CALN1: variants seen among roughly 807,000 people sequenced by gnomAD.
The protein encoded by CALN1 is calneuron 1.
Under a neutral mutation model 30.6 loss-of-function variants are expected in CALN1, and 17 were observed. The ratio of observed to expected loss-of-function variants is 0.56; its 90% CI spans 0.38 to 0.83. CALN1 has a LOEUF of 0.83. Ranked by LOEUF, CALN1 falls within the 40% of genes least tolerant of loss-of-function variation. The pLI is 0.00. For missense variants in CALN1, 291 were observed against 354.9 expected (o/e 0.82, Z 1.45); for synonymous variants, 156 against 131.4 (o/e 1.19, Z -1.28).
At chr7:72,280,264 CAA>C (rs1472763981) in intron 2 of CALN1, among the ~76,000 whole-genome samples, 2 of 152,162 alleles carry the variant, frequency 1.3e-5, no homozygotes, top group Non-Finnish European at 2.9e-5. Flanking sequence ...CTCGGGGCCC[CAA>C]AAAGTAAAAC....
At chr7:71,987,421 A>AGC (rs1798732775) in intron 5 of CALN1, among the ~76,000 whole-genome samples, 1 of 152,216 alleles carries the variant, frequency 6.6e-6, no homozygotes, top group East Asian at 1.9e-4. Flanking sequence ...TTCCCCAGCA[A>AGC]GCCCTGACTA....
At chr7:71,848,435 T>C (rs1790446212) in intron 5 of CALN1, among the ~76,000 whole-genome samples, 2 of 152,158 alleles carry the variant, frequency 1.3e-5, no homozygotes, top group African/African-American at 4.8e-5. Flanking sequence ...CTGGTATTTG[T>C]AAACTAGGGG....
At chr7:72,463,017 C>A in the CALN1 span, among the ~76,000 whole-genome samples, 6 of 152,244 alleles carry the variant, frequency 3.9e-5, no homozygotes, top group African/African-American at 1.4e-4. Context: ...AGGTGAGGTG[C>A]ATTTAATTCT....
At chr7:72,235,502 C>T (rs1034442907) in intron 3 of CALN1, among the ~76,000 whole-genome samples, 44 of 152,172 alleles carry the variant, frequency 2.9e-4, no homozygotes, top group African/African-American at 9.6e-4. Context: ...CACAGACAGG[C>T]TTGCAAATGA....
chr7:72,400,382 T>C (rs533990314), intron 2 of CALN1, among the ~76,000 whole-genome samples: 3 of 152,324 alleles, frequency 2.0e-5, no homozygotes, highest in South Asian at 2.1e-4. Flanking sequence ...GGAATCATCT[T>C]CATATGGACA....
chr7:72,276,391 T>C (rs1005268784), intron 3 of CALN1, among the ~76,000 whole-genome samples: 1 of 152,182 alleles, frequency 6.6e-6, no homozygotes, highest in African/African-American at 2.4e-5. Flanking sequence ...CCCCCCAAAA[T>C]GCCTATGTGG....
intron 3 of CALN1, among the ~76,000 whole-genome samples, chr7:72,218,978 G>A (rs1327090966): frequency 1.3e-5 from 2 of 152,190 alleles, no homozygotes; most frequent in African/African-American, 4.8e-5. Context: ...ACAGAGTGCA[G>A]GGAACTGCAG....
At position 72,394,086 on chromosome 7, in the gene CALN1, A is replaced by T. The variant is rs145027633; in HGVS notation, c.119+9165T>A. On this transcript the variant is annotated intron_variant, in intron 2 of 6. Coordinates refer to ENST00000395275, the MANE Select transcript of CALN1 (RefSeq NM_031468.4). ...AAGTGATCAGAATTTCTTAGCTAAG[A>T]TCATTGGTAATATGTATGGTGGAGT... Among the ~76,000 whole-genome samples, 8 of 152,322 alleles carry T rather than the reference A, an allele frequency of 5.3e-5. No homozygotes were observed. The East Asian group carries it at 1.5e-3, about 29-fold the overall frequency.
intron 2 of CALN1, among the ~76,000 whole-genome samples, chr7:72,395,355 G>GCACACA (rs72331178): frequency 0.047 from 6,954 of 147,550 alleles, 174 homozygotes; most frequent in South Asian, 0.097. Flanking sequence ...CTGCGCACGC[G>GCACACA]CGCGCACACA....
At chr7:72,399,130 G>A (rs932538828) in intron 2 of CALN1, among the ~76,000 whole-genome samples, 18 of 152,150 alleles carry the variant, frequency 1.2e-4, no homozygotes, top group Admixed American at 1.2e-3. Flanking sequence ...CCTTAGCAAA[G>A]ACAGGAGCGG....
chr7:72,248,208 A>G (rs1795319717), intron 3 of CALN1, among the ~76,000 whole-genome samples: 1 of 152,100 alleles, frequency 6.6e-6, no homozygotes, highest in Non-Finnish European at 1.5e-5. Context: ...TCCACCTCAC[A>G]GGTTCAAGCA....
At chr7:72,182,187 G>T (rs754871393) in intron 3 of CALN1, among the ~76,000 whole-genome samples, 1 of 152,126 alleles carries the variant, frequency 6.6e-6, no homozygotes, top group Non-Finnish European at 1.5e-5. Context: ...AGAAAACCAG[G>T]GAGCAGACGC....
At chr7:72,136,607 A>C (rs1809531983) in intron 3 of CALN1, among the ~76,000 whole-genome samples, 1 of 152,032 alleles carries the variant, frequency 6.6e-6, no homozygotes, top group South Asian at 2.1e-4. Context: ...AACTTGGCTA[A>C]CTCTTTGGCT....
chr7:72,343,761 G>C (rs967233182), intron 2 of CALN1, among the ~76,000 whole-genome samples: 1 of 152,184 alleles, frequency 6.6e-6, no homozygotes, highest in Admixed American at 6.5e-5. Flanking sequence ...AGGGTTTGCT[G>C]AGTTAGAAAG....
chr7:72,244,274 A>G (rs1298378782), intron 3 of CALN1, among the ~76,000 whole-genome samples: 3 of 152,180 alleles, frequency 2.0e-5, no homozygotes, highest in African/African-American at 7.2e-5. Context: ...ATTCCGATAA[A>G]ACGATAGGGT....
intron 4 of CALN1, among the ~76,000 whole-genome samples, chr7:72,070,100 C>T (rs1159319160): frequency 6.6e-5 from 10 of 152,180 alleles, no homozygotes; most frequent in East Asian, 3.9e-4. Context: ...CTAATATTTT[C>T]TAATTGCTTT....
intron 3 of CALN1, among the ~76,000 whole-genome samples, chr7:72,234,278 C>T (rs1005927798): frequency 1.3e-5 from 2 of 152,092 alleles, no homozygotes; most frequent in Non-Finnish European, 2.9e-5. Flanking sequence ...GAAACTTCCC[C>T]GGGAGCCCAG....
At chr7:72,276,388 A>T (rs376564209) in intron 3 of CALN1, among the ~76,000 whole-genome samples, 1 of 152,168 alleles carries the variant, frequency 6.6e-6, no homozygotes, top group East Asian at 1.9e-4. Context: ...GGTCCCCCCA[A>T]AATGCCTATG....
intron 5 of CALN1, among the ~76,000 whole-genome samples, chr7:71,928,075 T>C (rs577871745): frequency 6.6e-6 from 1 of 152,324 alleles, no homozygotes; most frequent in East Asian, 1.9e-4. Flanking sequence ...GAATCTGTGC[T>C]TTGCCACAGA....
Sources: gnomAD v4.1 joint callset for allele counts (sites outside exome capture counted in the v4.1 genomes callset) on GRCh38, gnomAD v4.1.1 for gene constraint, MANE v1.5 for transcripts, NCBI Gene and HGNC (gene_info 2026-07-23, HGNC 2026-07-21) for gene names.